Variants in TNIK observed in about 807,000 individuals in gnomAD.
TNIK encodes TRAF2 and NCK interacting kinase, also known as TRAF2 and NCK-interacting protein kinase.
Under a neutral mutation model 191.3 loss-of-function variants are expected in TNIK, and 49 were observed. The observed-to-expected ratio is 0.26, with a 90% CI of 0.20 to 0.32. The LOEUF (loss-of-function observed/expected upper bound fraction) is 0.32, where lower values mean the gene tolerates loss of function less well. Among genes scored for constraint, TNIK ranks in the 10% least tolerant of loss-of-function variants. The probability of loss-of-function intolerance (pLI) is 1.00; values close to 1 mark genes in which losing one functional copy is unlikely to be tolerated. For synonymous variants in TNIK, 594 were observed against 600.9 expected, an observed-to-expected ratio of 0.99 and a Z score of 0.17; for missense variants, 1,155 against 1,702.3, an observed-to-expected ratio of 0.68 and a Z score of 5.66.
chr3:171,171,430 C>G (rs576797450), intron 9 of TNIK, among the ~76,000 whole-genome samples: 2 of 152,058 alleles, frequency 1.3e-5, no homozygotes. Flanking sequence ...GGCTGGTTCT[C>G]CCAGTAAGGA....
intron 3 of TNIK, among the ~76,000 whole-genome samples, chr3:171,211,728 G>T (rs1197195385): frequency 2.0e-5 from 3 of 152,162 alleles, no homozygotes; most frequent in Non-Finnish European, 4.4e-5. Context: ...ATGAAAGTCA[G>T]ATGGGAAAAG....
chr3:171,286,105 G>T (rs75981409), intron 2 of TNIK, among the ~76,000 whole-genome samples: 1 of 152,024 alleles, frequency 6.6e-6, no homozygotes, highest in African/African-American at 2.4e-5. Flanking sequence ...AGGGGAGAGG[G>T]GTATATGTCT....
chr3:171,426,659 T>G (rs1241293180), intron 1 of TNIK, among the ~76,000 whole-genome samples: 1 of 152,182 alleles, frequency 6.6e-6, no homozygotes, highest in Non-Finnish European at 1.5e-5. Context: ...CTTTTTGAAC[T>G]GGAGCCCCAT....
chr3:171,120,967 C>T (rs1727666306), intron 18 of TNIK, among the ~76,000 whole-genome samples: 1 of 152,114 alleles, frequency 6.6e-6, no homozygotes, highest in Non-Finnish European at 1.5e-5. Context: ...GTCCCAGGGC[C>T]ACATGCAGCT....
At chr3:171,310,960 G>A (rs1753955479) in intron 2 of TNIK, among the ~76,000 whole-genome samples, 1 of 152,136 alleles carries the variant, frequency 6.6e-6, no homozygotes, top group Non-Finnish European at 1.5e-5. Context: ...TTCAGATCAT[G>A]TTCTGTTTCC....
intron 2 of TNIK, among the ~76,000 whole-genome samples, chr3:171,354,809 A>G (rs1713779867): frequency 6.6e-6 from 1 of 152,212 alleles, no homozygotes; most frequent in Non-Finnish European, 1.5e-5. Flanking sequence ...ACCATGATGC[A>G]TAGTACTTAG....
intron 12 of TNIK, among the ~76,000 whole-genome samples, chr3:171,144,654 A>G (rs1731293226): frequency 6.6e-6 from 1 of 152,190 alleles, no homozygotes; most frequent in South Asian, 2.1e-4. Flanking sequence ...TTTTATAGCT[A>G]TTTTGAAATA....
rs1012988837 is a variant in TNIK at position 171,375,629 on chromosome 3, A to G, written c.58-5944T>C. On this transcript the variant is annotated intron_variant, in intron 1 of 32. Transcript: ENST00000436636. Reference sequence around the variant, plus strand: ...CTAGGGTTTGATATTCCCTGCCACTAGGTTATGCTTTAATTCCTCCAGGTC... The same window carrying G: ...CTAGGGTTTGATATTCCCTGCCACTGGGTTATGCTTTAATTCCTCCAGGTC... Among the ~76,000 whole-genome samples the G allele has an allele frequency of 2.8e-4, 43 of 152,200 alleles. 1 individual carries two copies. The highest frequency in any genetic ancestry group is 2.4e-4 in the Non-Finnish European group (16 of 68,044).
chr3:171,230,444 A>G (rs1743477989), intron 2 of TNIK, among the ~76,000 whole-genome samples: 1 of 152,152 alleles, frequency 6.6e-6, no homozygotes, highest in South Asian at 2.1e-4. Context: ...AATTATTTTA[A>G]TGGTACCTGT....
At chr3:171,293,307 C>G (rs1751899241) in intron 2 of TNIK, among the ~76,000 whole-genome samples, 2 of 152,224 alleles carry the variant, frequency 1.3e-5, no homozygotes, top group African/African-American at 4.8e-5. Context: ...CTACAAGATT[C>G]ACAATGTATC....
chr3:171,080,316 C>G (rs1459930768), intron 27 of TNIK, among the ~76,000 whole-genome samples: 1 of 152,110 alleles, frequency 6.6e-6, no homozygotes, highest in African/African-American at 2.4e-5. Flanking sequence ...TGATTTGCAC[C>G]AGATAAAATG....
intron 2 of TNIK, among the ~76,000 whole-genome samples, chr3:171,337,289 C>T (rs1757048949): frequency 6.6e-6 from 1 of 152,116 alleles, no homozygotes; most frequent in Admixed American, 6.5e-5. Flanking sequence ...GTAAGAGCCT[C>T]CAAGTGAGAA....
At chr3:171,213,614 G>T (rs1741123381) in intron 3 of TNIK, among the ~76,000 whole-genome samples, 1 of 152,140 alleles carries the variant, frequency 6.6e-6, no homozygotes, top group East Asian at 1.9e-4. Flanking sequence ...AAGGCACTAT[G>T]TAATTAAATC....
At chr3:171,249,157 A>G (rs1745950454) in intron 2 of TNIK, among the ~76,000 whole-genome samples, 1 of 152,224 alleles carries the variant, frequency 6.6e-6, no homozygotes, top group South Asian at 2.1e-4. Context: ...TGAACATGGC[A>G]ACAAAAATAG....
intron 6 of TNIK, among the ~76,000 whole-genome samples, chr3:171,190,127 A>T (rs535323719): frequency 6.6e-6 from 1 of 152,364 alleles, no homozygotes; most frequent in South Asian, 2.1e-4. Context: ...GGGCAGTCCC[A>T]GATTTGTTGC....
chr3:171,307,452 C>A (rs1020983387), intron 2 of TNIK, among the ~76,000 whole-genome samples: 3 of 152,158 alleles, frequency 2.0e-5, no homozygotes, highest in African/African-American at 4.8e-5. Context: ...AATATGCATT[C>A]TCTTCATTCA....
chr3:171,340,589 A>G (rs1459112764), intron 2 of TNIK, among the ~76,000 whole-genome samples: 1 of 152,214 alleles, frequency 6.6e-6, no homozygotes, highest in Non-Finnish European at 1.5e-5. Flanking sequence ...CTTGTTGATT[A>G]TACTTACTCG....
chr3:171,424,808 G>A (rs1429992195), intron 1 of TNIK, among the ~76,000 whole-genome samples: 2 of 126,548 alleles, frequency 1.6e-5, no homozygotes, highest in African/African-American at 6.2e-5. Flanking sequence ...ACAGGAAGGG[G>A]AACATCACAC....
intron 3 of TNIK, among the ~76,000 whole-genome samples, chr3:171,224,808 G>T (rs1203763202): frequency 6.6e-6 from 1 of 152,102 alleles, no homozygotes; most frequent in Non-Finnish European, 1.5e-5. Flanking sequence ...ACAAAATGGG[G>T]AAATTTCCAT....
Sources: gnomAD v4.1 joint callset for allele counts (sites outside exome capture counted in the v4.1 genomes callset) on GRCh38, gnomAD v4.1.1 for gene constraint, MANE v1.5 for transcripts, NCBI Gene and HGNC (gene_info 2026-07-23, HGNC 2026-07-21) for gene names.